The following PAX8 variants were observed in gnomAD, a reference collection of about 807,000 sequenced individuals.
PAX8 encodes the protein paired box protein Pax-8.
In PAX8, 15 loss-of-function variants were observed where a neutral mutation model predicts 52.4. That is an observed-to-expected ratio of 0.29 (90% CI 0.19 to 0.44). PAX8 has a LOEUF of 0.44. PAX8 is among the 20% of genes least tolerant of loss of function. PAX8 has a pLI of 1.00. For synonymous variants in PAX8, 284 were observed against 249.7 expected, an observed-to-expected ratio of 1.14 and a Z score of -1.29; for missense variants, 554 against 602.5, an observed-to-expected ratio of 0.92 and a Z score of 0.84.
At chr2:113,267,304 C>T (rs1693148618) in intron 2 of PAX8, 1 of 152,242 alleles carries the variant, frequency 6.6e-6, no homozygotes, top group Non-Finnish European at 1.5e-5. Flanking sequence ...GCTCTGTCCT[C>T]ATCTGGGAAG....
At chr2:113,271,740 G>A (rs140526088) in intron 2 of PAX8, 13 of 147,966 alleles carry the variant, frequency 8.8e-5, no homozygotes, top group African/African-American at 3.0e-4. Flanking sequence ...TGGACTTTGG[G>A]TGGTTGAGGT....
intron 10 of PAX8, among the ~76,000 whole-genome samples, chr2:113,221,567 A>G: frequency 6.6e-6 from 1 of 152,362 alleles, no homozygotes; most frequent in South Asian, 2.1e-4. Flanking sequence ...GTTTAATGAG[A>G]ATTAAATGAC....
rs528166239 is a variant in PAX8 at position 113,241,620 on chromosome 2, G to A, written c.708C>T (p.Leu236=). 156 of 1,613,824 alleles carry A rather than the reference G, an allele frequency of 9.7e-5. No individual in the cohort carries two copies. The highest frequency in any genetic ancestry group is 3.3e-4 in the Middle Eastern group (2 of 6,056). Residue 236 remains leucine (L), a synonymous_variant, in exon 7 of 12, where the codon CTC becomes CTT. Coordinates refer to ENST00000429538, the MANE Select transcript of PAX8 (RefSeq NM_003466.4). ...AGTGCTGCCGCTCAAATGGGCACTC[G>A]AGCGGCTCGAGGTGGTGCTGGCTGA... ...DAFSQHHLEP[L]ECPFERQHYP... is the part of the protein sequence containing the mutation.
rs1693984796 is a variant in PAX8, at chr2:113,278,398, C to CGGGGAGTCGCT, written c.-15_-5dup. The CGGGGAGTCGCT allele has an allele frequency of 1.2e-6, 2 of 1,610,726 alleles. No individual in the cohort carries two copies. The highest frequency in any genetic ancestry group is 1.3e-5 in the African/African-American group (1 of 75,002). On this transcript the variant is annotated 5_prime_UTR_variant, in exon 2 of 12. Transcript: ENST00000429538. ...ATCTGATGGAGTTGTGAGGCATCGCCGGGGAGTCGCTCGCAGCCCGCCGAG... is the reference window on the plus strand; with the variant it reads ...ATCTGATGGAGTTGTGAGGCATCGCCGGGGAGTCGCTGGGGAGTCGCTCGCAGCCCGCCGAG...
At position 113,242,674 on chromosome 2, in the gene PAX8, GTC is replaced by G; in HGVS notation, c.478+14_478+15del. On this transcript the variant is annotated intron_variant, in intron 5 of 11. Transcript: ENST00000429538. ...TACACGAGCATGTGTGTGTATCCAG[GTC>G]TCTCAGCACTCACTCAGCGTGTGTC... The G allele has an allele frequency of 6.3e-7, 1 of 1,575,238 alleles. No homozygotes were observed. Among genetic ancestry groups the G allele is most frequent in the East Asian group, 2.2e-5 (1 of 44,670 alleles).
intron 2 of PAX8, among the ~76,000 whole-genome samples, chr2:113,277,437 T>G (rs1311999448): frequency 1.3e-5 from 2 of 152,164 alleles, no homozygotes; most frequent in Admixed American, 6.5e-5. Context: ...CGGGACATCA[T>G]ATTCGCGGAG....
At chr2:113,230,464 A>G (rs931724395) in intron 9 of PAX8, 18 of 152,222 alleles carry the variant, frequency 1.2e-4, no homozygotes, top group African/African-American at 4.3e-4. Context: ...AATGGAATTC[A>G]TCAGTCTCAC....
chr2:113,227,387 T>C, intron 9 of PAX8, 131 bp from the exon 10 acceptor site: 1 of 743,446 alleles, frequency 1.3e-6, no homozygotes, highest in South Asian at 1.7e-5. Flanking sequence ...ACCCACTTCC[T>C]CCTGCCCCCA....
In PAX8 at chr2:113,220,388, T is replaced by C. The variant is rs1378069868; in HGVS notation, c.1190-210A>G. On this transcript the variant is annotated intron_variant, in intron 10 of 11. Coordinates refer to ENST00000429538, the MANE Select transcript of PAX8 (RefSeq NM_003466.4). The stretch of plus-strand genomic sequence containing the variant: ...CTGGAAAATTTGGGGCAGTGTCCTT[T>C]TCCGTAGGTACTGGAGGCACTGGCT... The C allele has an allele frequency of 1.4e-5, 8 of 574,796 alleles. No homozygotes were observed. The East Asian group carries it at 1.7e-4, about 13-fold the overall frequency. 35.6% of individuals were successfully genotyped at this position (574,796 alleles called of 1,614,324 possible). A position where few individuals can be genotyped will look rare whatever the true frequency, so the allele number is the denominator to read the frequency against.
At chr2:113,236,967 A>G in intron 7 of PAX8, 1 of 548,490 alleles carries the variant, frequency 1.8e-6, no homozygotes, top group Non-Finnish European at 3.3e-6. Context: ...AGAGAGTCTC[A>G]GCCAGAGGAC....
In PAX8 at chr2:113,226,926, C is replaced by T. The variant is rs2241975; in HGVS notation, c.1189+229G>A. On this transcript the variant is annotated intron_variant, in intron 10 of 11. Transcript: ENST00000429538. ...CTTTTCATCATGGAGGGTAATGTAG[C>T]AGGCCTGGGAAGAAGGAGGCCGAGC... 0.087 allele frequency: 124,862 copies of T among 1,435,904 alleles called. 5,865 individuals are homozygous for T. The highest frequency in any genetic ancestry group is 0.15 in the Middle Eastern group (640 of 4,208). 88.9% of individuals were successfully genotyped at this position (1,435,904 alleles called of 1,614,324 possible).
At chr2:113,278,577 T>A in intron 1 of PAX8, 108 bp from the exon 2 acceptor site, 1 of 1,047,610 alleles carries the variant, frequency 9.5e-7, no homozygotes, top group Non-Finnish European at 1.4e-6. Context: ...CTGCCAGGAG[T>A]AGGAGGATTT....
At chr2:113,244,304 T>C (rs1691130349) in intron 4 of PAX8, 123 bp downstream of exon 4, 3 of 793,826 alleles carry the variant, frequency 3.8e-6, no homozygotes, top group Non-Finnish European at 6.7e-6. Flanking sequence ...CCTGCCTGAT[T>C]GTTCAGCATC....
intron 11 of PAX8, among the ~76,000 whole-genome samples, chr2:113,219,430 C>T (rs995682571): frequency 2.6e-5 from 4 of 152,110 alleles, no homozygotes; most frequent in African/African-American, 7.2e-5. Flanking sequence ...TGGGGTTTTG[C>T]TTTGCTGAAA....
chr2:113,245,034 A>G (rs1691194444), intron 3 of PAX8, among the ~76,000 whole-genome samples: 1 of 146,328 alleles, frequency 6.8e-6, no homozygotes, highest in Non-Finnish European at 1.5e-5. Context: ...AGCACGACTG[A>G]GGTTTTTTTT....
At position 113,241,538 on chromosome 2, in the gene PAX8, C is replaced by G; in HGVS notation, c.777+13G>C. 6.3e-7 allele frequency: 1 copy of G among 1,597,516 alleles called. No homozygotes were observed. On this transcript the variant is annotated intron_variant, in intron 7 of 11. Coordinates refer to ENST00000429538, the MANE Select transcript of PAX8 (RefSeq NM_003466.4). ...TGCCCACCCTGTTCACCTCCCAGGG[C>G]CCAGCTTCTCACCTGCTCGCCTTTG... is the stretch of plus-strand genomic sequence containing the variant.
In PAX8 at chr2:113,242,065, T is replaced by G. The variant is rs764216214; in HGVS notation, c.544A>C (p.Ile182Leu). Residue 182 changes from isoleucine to leucine, a missense_variant, in exon 6 of 12, where the codon ATC becomes CTC. Physicochemically the swap from Ile to Leu is conservative, Grantham distance 5. Coordinates refer to ENST00000429538, the MANE Select transcript of PAX8 (RefSeq NM_003466.4). ...QSDSLGSTYSINGLLGIAQPG... is the reference protein window; with the variant it reads ...QSDSLGSTYSLNGLLGIAQPG... ...TGAGCGATGCCCAGGAGCCCATTGA[T>G]GGAGTAGGTGGAGCCCAGGGAATCC... 1 of 1,613,684 alleles carries G rather than the reference T, an allele frequency of 6.2e-7. No individual in the cohort carries two copies. Among genetic ancestry groups the G allele is most frequent in the Non-Finnish European group, 8.5e-7 (1 of 1,179,752 alleles).
chr2:113,264,381 T>C (rs1692905163), intron 2 of PAX8, among the ~76,000 whole-genome samples: 1 of 152,220 alleles, frequency 6.6e-6, no homozygotes, highest in African/African-American at 2.4e-5. Context: ...AGTTCCCTCA[T>C]TGCCAATTAT....
intron 2 of PAX8, among the ~76,000 whole-genome samples, chr2:113,251,409 T>C (rs1691752538): frequency 2.0e-5 from 3 of 151,868 alleles, no homozygotes. Flanking sequence ...AGGAAGAGGT[T>C]TGAAGCCTCA....
Sources: gnomAD v4.1 joint callset for allele counts (sites outside exome capture counted in the v4.1 genomes callset) on GRCh38, gnomAD v4.1.1 for gene constraint, MANE v1.5 for transcripts, NCBI Gene and HGNC (gene_info 2026-07-23, HGNC 2026-07-21) for gene names.